The following FMO4 variants were observed in gnomAD, a reference collection of about 807,000 sequenced individuals.
The protein encoded by FMO4 is dimethylaniline monooxygenase [N-oxide-forming] 4.
In FMO4, 38 loss-of-function variants were observed where a neutral mutation model predicts 43.3. That is an observed-to-expected ratio of 0.88 (90% confidence interval 0.68 to 1.15). The LOEUF (loss-of-function observed/expected upper bound fraction) is 1.15, where lower values mean the gene tolerates loss of function less well. Ranked by LOEUF, FMO4 falls within the 50% of genes most tolerant of loss-of-function variation. The probability of loss-of-function intolerance (pLI) is 0.00; values close to 1 mark genes in which losing one functional copy is unlikely to be tolerated. For missense variants in FMO4, 631 were observed against 663.3 expected (o/e 0.95, Z 0.54); for synonymous variants, 224 against 232.2 (o/e 0.96, Z 0.32).
intron 5 of FMO4, among the ~76,000 whole-genome samples, chr1:171,327,240 T>C (rs1662707148): frequency 6.6e-6 from 1 of 152,222 alleles, no homozygotes; most frequent in Non-Finnish European, 1.5e-5. Flanking sequence ...AACAAATTCT[T>C]AATTTAAGAA....
chr1:171,320,970 A>T (rs1662399750), intron 3 of FMO4, among the ~76,000 whole-genome samples: 1 of 152,090 alleles, frequency 6.6e-6, no homozygotes, highest in African/African-American at 2.4e-5. Flanking sequence ...TAGATCTCTG[A>T]TGGATGATGA....
intron 7 of FMO4, chr1:171,333,177 T>TTTGTTGTTGTTG (rs565862338): frequency 1.4e-4 from 42 of 304,862 alleles, no homozygotes; most frequent in African/African-American, 8.6e-4. Flanking sequence ...ATCACATATT[T>TTTGTTGTTGTTG]TTGTTGTTGT....
intron 5 of FMO4, 95 bp downstream of exon 5, chr1:171,324,395 T>TAAAGCC: frequency 1.1e-6 from 1 of 935,904 alleles, no homozygotes; most frequent in Non-Finnish European, 1.6e-6. Context: ...CCCATGATTA[T>TAAAGCC]AGATGGCTTT....
chr1:171,317,451 A>G (rs1662243450), intron 2 of FMO4, among the ~76,000 whole-genome samples: 1 of 152,208 alleles, frequency 6.6e-6, no homozygotes, highest in African/African-American at 2.4e-5. Context: ...AATGCAGGGA[A>G]AAGCAGCACT....
chr1:171,328,401 A>G (rs770950336), intron 5 of FMO4, among the ~76,000 whole-genome samples: 6 of 151,930 alleles, frequency 3.9e-5, no homozygotes, highest in African/African-American at 1.4e-4. Flanking sequence ...CTATAATCCC[A>G]GCACTTTGGG....
In FMO4 at chr1:171,334,740, G is replaced by A. The variant is rs201465482; in HGVS notation, c.1157G>A (p.Arg386Gln). 4.6e-5 allele frequency: 73 copies of A among 1,587,404 alleles called. No homozygotes were observed. The highest frequency in any genetic ancestry group is 1.5e-4 in the African/African-American group (11 of 73,466). Residue 386 changes from arginine to glutamine, a missense_variant, in exon 8 of 10, where the codon CGA becomes CAA. Arg to Gln is a conservative substitution (Grantham distance 43). Transcript: ENST00000367749. The stretch of plus-strand genomic sequence containing the variant: ...TTATCAGGCACAGAGCTCCAAGCAC[G>A]ATGGGTCACAAGAGTATTCAAAGGT... ...SILSGTELQARWVTRVFKGLC... is the reference protein window; with the variant it reads ...SILSGTELQAQWVTRVFKGLC...
intron 8 of FMO4, among the ~76,000 whole-genome samples, chr1:171,335,024 G>A (rs1663064406): frequency 1.3e-5 from 2 of 152,284 alleles, no homozygotes; most frequent in South Asian, 4.1e-4. Context: ...AATTATTGAA[G>A]GCTTCATGAT....
At chr1:171,338,251 C>T (rs1215201568) in intron 9 of FMO4, among the ~76,000 whole-genome samples, 1 of 152,110 alleles carries the variant, frequency 6.6e-6, no homozygotes, top group African/African-American at 2.4e-5. Flanking sequence ...GCTACCATCC[C>T]AGACCAGACC....
chr1:171,324,470 T>C (rs761931840), intron 5 of FMO4, among the ~76,000 whole-genome samples, 170 bp downstream of exon 5: 1 of 152,180 alleles, frequency 6.6e-6, no homozygotes, highest in African/African-American at 2.4e-5. Context: ...ACTATGTAGG[T>C]GTCAGGTCTT....
rs773536271 is a variant in FMO4, at chr1:171,334,478, A to G, written c.895A>G (p.Lys299Glu). 1 of 1,613,434 alleles carries G rather than the reference A, an allele frequency of 6.2e-7. No individual in the cohort carries two copies. Among genetic ancestry groups the G allele is most frequent in the East Asian group, 2.2e-5 (1 of 44,830 alleles). Residue 299 changes from lysine to glutamate, a missense_variant, in exon 8 of 10, where the codon AAA becomes GAA. Lys to Glu is a moderately conservative substitution (Grantham distance 56). Transcript: ENST00000367749. ...TATCCTCTGTGGGGCAATCACTATG[A>G]AAACCAGCGTGATTGAATTTACAGA... ...NCILCGAITM[K>E]TSVIEFTETS...
At chr1:171,340,938 G>A (rs1663348766) in intron 9 of FMO4, among the ~76,000 whole-genome samples, 1 of 151,698 alleles carries the variant, frequency 6.6e-6, no homozygotes, top group Non-Finnish European at 1.5e-5. Context: ...TTTTTCTTTT[G>A]TAATTGTGTA....
intron 5 of FMO4, among the ~76,000 whole-genome samples, chr1:171,329,657 GA>G (rs1662818708): frequency 6.6e-6 from 1 of 152,156 alleles, no homozygotes; most frequent in Admixed American, 6.5e-5. Flanking sequence ...TGGTCTCCTT[GA>G]AGCCCCTCAC....
chr1:171,334,358 G>T, intron 7 of FMO4, 53 bp from the exon 8 acceptor site: 1 of 1,158,098 alleles, frequency 8.6e-7, no homozygotes, highest in East Asian at 2.4e-5. Flanking sequence ...ATCATTTGCT[G>T]AAGTTTCTCA....
At chr1:171,330,909 A>G (rs934393887) in intron 5 of FMO4, among the ~76,000 whole-genome samples, 1 of 152,264 alleles carries the variant, frequency 6.6e-6, no homozygotes, top group African/African-American at 2.4e-5. Flanking sequence ...GATCAATCAG[A>G]AACAAGAGTA....
intron 3 of FMO4, among the ~76,000 whole-genome samples, chr1:171,320,583 G>T (rs1449052791): frequency 6.6e-6 from 1 of 152,214 alleles, no homozygotes; most frequent in Non-Finnish European, 1.5e-5. Flanking sequence ...CAGACAGTGG[G>T]GATGGAAGTG....
At chr1:171,318,872 G>C (rs1219516114) in intron 2 of FMO4, among the ~76,000 whole-genome samples, 1 of 152,326 alleles carries the variant, frequency 6.6e-6, no homozygotes, top group East Asian at 1.9e-4. Flanking sequence ...CTACAGGGGT[G>C]TGGCTTGTTT....
At chr1:171,321,501 T>C (rs745454314) in intron 3 of FMO4, among the ~76,000 whole-genome samples, 1 of 152,162 alleles carries the variant, frequency 6.6e-6, no homozygotes, top group Non-Finnish European at 1.5e-5. Flanking sequence ...TAATACAATA[T>C]AAATGCTATA....
intron 7 of FMO4, chr1:171,333,183 G>A (rs906861922): frequency 7.1e-6 from 2 of 279,868 alleles, no homozygotes; most frequent in Non-Finnish European, 1.4e-5. Flanking sequence ...TATTTTTGTT[G>A]TTGTTGTTGT....
rs770011693 is a variant in FMO4, at chr1:171,341,714, T to TG, written c.1558dup (p.Ala520GlyfsTer13). ...CTCCATGTCACATTATTTAAAAGCC[T>TG]GGGGGGCACCTGTCCTACTTGCCTC... On this transcript the variant is annotated frameshift_variant, in exon 10 of 10. Transcript: ENST00000367749. LOFTEE classifies it low-confidence loss of function (END_TRUNC). 48 of 1,613,874 alleles carry TG rather than the reference T, an allele frequency of 3.0e-5. No individual in the cohort carries two copies. The South Asian group carries it at 4.5e-4, about 15-fold the overall frequency.
Sources: allele counts gnomAD v4.1 joint callset (sites outside exome capture counted in the v4.1 genomes callset), GRCh38; gene constraint gnomAD v4.1.1; transcripts MANE v1.5; gene names NCBI Gene and HGNC (gene_info 2026-07-23, HGNC 2026-07-21).